ALDH1A3: variants seen among roughly 807,000 people sequenced by gnomAD.
The protein encoded by ALDH1A3 is retinaldehyde dehydrogenase 3.
In ALDH1A3, 28 loss-of-function variants were observed where a neutral mutation model predicts 57.5. The observed-to-expected ratio is 0.49, with a 90% CI of 0.36 to 0.67. ALDH1A3 has a LOEUF of 0.67. Ranked by LOEUF, ALDH1A3 falls within the 30% of genes least tolerant of loss-of-function variation. ALDH1A3 has a pLI of 0.00. For synonymous variants in ALDH1A3, 281 were observed against 264.8 expected, an observed-to-expected ratio of 1.06 and a Z score of -0.59; for missense variants, 507 against 669.4, an observed-to-expected ratio of 0.76 and a Z score of 2.68.
intron 1 of ALDH1A3, among the ~76,000 whole-genome samples, chr15:100,884,203 T>C (rs2041572418): frequency 6.6e-6 from 1 of 152,206 alleles, no homozygotes; most frequent in Non-Finnish European, 1.5e-5. Flanking sequence ...CTCCGTGCTG[T>C]CGGAATGTGT....
chr15:100,908,110 AAGTGCTGG>A (rs1315502100), intron 11 of ALDH1A3, among the ~76,000 whole-genome samples: 3 of 151,840 alleles, frequency 2.0e-5, no homozygotes, highest in African/African-American at 4.8e-5. Flanking sequence ...CAGCCTCCCG[AAGTGCTGG>A]GATTACAGGC....
chr15:100,895,683 G>T, intron 6 of ALDH1A3: 1 of 549,764 alleles, frequency 1.8e-6, no homozygotes, highest in Non-Finnish European at 3.3e-6. Flanking sequence ...TTGGGATGGG[G>T]TCCCCCCCCA....
chr15:100,888,464 A>C lies in ALDH1A3; in HGVS notation c.345+752A>C, dbSNP rs569815596. The C allele has an allele frequency of 7.2e-5, 11 of 152,314 alleles. No homozygotes were observed. The East Asian group carries it at 2.1e-3, about 29-fold the overall frequency. The allele number at this position is 152,314 out of a possible 1,614,324, so 9.4% of individuals were successfully genotyped here. A position where few individuals can be genotyped will look rare whatever the true frequency, so the allele number is the denominator to read the frequency against. ...CATCCTAAGAAACAATATTCATGAA[A>C]TCACAGGTTTGATGTGCTAATTTTA... On this transcript the variant is annotated intron_variant, in intron 3 of 12. Transcript: ENST00000329841.
At chr15:100,883,762 C>G (rs1240190932) in intron 1 of ALDH1A3, among the ~76,000 whole-genome samples, 1 of 152,016 alleles carries the variant, frequency 6.6e-6, no homozygotes, top group African/African-American at 2.4e-5. Flanking sequence ...CATGGATCAA[C>G]CCATCACCCA....
In ALDH1A3 at chr15:100,885,823, G is replaced by A. The variant is rs72763097; in HGVS notation, c.204+452G>A. 4.9e-3 allele frequency among the ~76,000 whole-genome samples: 740 copies of A among 152,210 alleles called. 4 individuals are homozygous for A. The highest frequency in any genetic ancestry group is 0.014 in the South Asian group (67 of 4,820). On this transcript the variant is annotated intron_variant, in intron 2 of 12. Transcript: ENST00000329841. ...AAAATAGTTGCTACCCGGGTGATGC[G>A]GGGATAGTTAACAATGTAACCACCA...
At chr15:100,885,236 C>A (rs1439006256) in intron 1 of ALDH1A3, 31 bp from the exon 2 acceptor site, 2 of 1,473,706 alleles carry the variant, frequency 1.4e-6, no homozygotes, top group East Asian at 4.5e-5. Flanking sequence ...TTGATCTAAA[C>A]CTAATTGGTT....
In ALDH1A3 at chr15:100,894,793, A is replaced by G. The variant is rs924766500; in HGVS notation, c.666+711A>G. 1 of 152,214 alleles carries G rather than the reference A, an allele frequency of 6.6e-6. No individual in the cohort carries two copies. Among genetic ancestry groups the G allele is most frequent in the African/African-American group, 2.4e-5 (1 of 41,438 alleles). 9.4% of individuals were successfully genotyped at this position (152,214 alleles called of 1,614,324 possible). On this transcript the variant is annotated intron_variant, in intron 6 of 12. Coordinates refer to ENST00000329841, the MANE Select transcript of ALDH1A3 (RefSeq NM_000693.4). This position sits in a 1 kb window ranked among gnomAD's most constrained non-coding sequence, Gnocchi z 4.5. ...ACAGCTGGTGATGAGCCAATTTTCC[A>G]CTTTCCTTTGGTGATGTGGGGCATA...
intron 12 of ALDH1A3, among the ~76,000 whole-genome samples, chr15:100,909,017 C>A (rs905654728): frequency 6.6e-6 from 1 of 151,426 alleles, no homozygotes; most frequent in Non-Finnish European, 1.5e-5. Flanking sequence ...CCTCCACATG[C>A]GTGTGCAAAC....
intron 7 of ALDH1A3, among the ~76,000 whole-genome samples, chr15:100,897,862 G>T (rs573213217): frequency 6.6e-6 from 1 of 152,184 alleles, no homozygotes; most frequent in South Asian, 2.1e-4. Flanking sequence ...TAAGTGGAGC[G>T]GCTTAGACCA....
In ALDH1A3 at chr15:100,879,904, A is replaced by T. The variant is rs1168272565; in HGVS notation, c.-4A>T. 1.0e-5 allele frequency: 15 copies of T among 1,429,194 alleles called. No individual in the cohort carries two copies. Among genetic ancestry groups the T allele is most frequent in the Non-Finnish European group, 1.3e-5 (14 of 1,087,418 alleles). The allele number at this position is 1,429,194 out of a possible 1,614,324, so 88.5% of individuals were successfully genotyped here. A position where few individuals can be genotyped will look rare whatever the true frequency, so the allele number is the denominator to read the frequency against. ...CGCCTCGGGCCAGGGAGCGCGGAGG[A>T]GCCATGGCCACCGCTAACGGGGCCG... On this transcript the variant is annotated 5_prime_UTR_variant, in exon 1 of 13. Transcript: ENST00000329841.
chr15:100,882,361 C>A (rs1308532665), intron 1 of ALDH1A3, among the ~76,000 whole-genome samples: 1 of 152,224 alleles, frequency 6.6e-6, no homozygotes, highest in African/African-American at 2.4e-5. Flanking sequence ...ATAGAAGTCC[C>A]TTCTAATTTA....
chr15:100,886,303 G>T, intron 2 of ALDH1A3, among the ~76,000 whole-genome samples: 1 of 152,316 alleles, frequency 6.6e-6, no homozygotes, highest in South Asian at 2.1e-4. Context: ...GAGGGCATTG[G>T]GGGGAAGCCA....
intron 1 of ALDH1A3, among the ~76,000 whole-genome samples, chr15:100,883,214 A>G (rs2041562874): frequency 6.6e-6 from 1 of 152,128 alleles, no homozygotes; most frequent in South Asian, 2.1e-4. Context: ...ATTTTCACTG[A>G]CAGTCTCTAT....
chr15:100,898,129 G>A lies in ALDH1A3; in HGVS notation c.827G>A (p.Arg276Gln), dbSNP rs763546758. The change falls in exon 8 of 13, where the codon CGG (arginine) becomes CAG (glutamine). Residue 276 changes from arginine (R) to glutamine (Q), a missense_variant. By Grantham distance (43) the Arg-to-Gln change is conservative (BLOSUM62 1). Around this residue, in one of 2 missense-constraint regions of ALDH1A3, gnomAD observed 432 missense variants for 608.4 expected, o/e 0.71. Transcript: ENST00000329841. ...KEAASRSNLK[R>Q]VTLELGGKNP... ...GCTGCGTCCCGGAGCAATCTGAAGCGGGTGACGCTGGAGCTGGGGGGGAAG... is the reference window on the plus strand; with the variant it reads ...GCTGCGTCCCGGAGCAATCTGAAGCAGGTGACGCTGGAGCTGGGGGGGAAG... The A allele has an allele frequency of 8.7e-6, 14 of 1,614,144 alleles. No homozygotes were observed. The highest frequency in any genetic ancestry group is 6.7e-5 in the East Asian group (3 of 44,888).
At position 100,894,166 on chromosome 15, in the gene ALDH1A3, AG is replaced by A; in HGVS notation, c.666+85del. 2.0e-6 allele frequency: 3 copies of A among 1,503,790 alleles called. No individual in the cohort carries two copies. Among genetic ancestry groups the A allele is most frequent in the Middle Eastern group, 1.8e-4 (1 of 5,660 alleles). 93.2% of individuals were successfully genotyped at this position (1,503,790 alleles called of 1,614,324 possible). On this transcript the variant is annotated intron_variant, in intron 6 of 12. Transcript: ENST00000329841. This position sits in a 1 kb window ranked among gnomAD's most constrained non-coding sequence, Gnocchi z 4.5. ...CCAGGCCACCGTCACGAGATGGGAC[AG>A]TGGCAGACTGCTGGCAATCGAGTGG...
rs770345049 is a variant in ALDH1A3, at chr15:100,898,174, C to A, written c.872C>A (p.Ala291Glu). ...GGGAAGAACCCCTGCATCGTGTGTG[C>A]GGACGCTGACTGTGAGTCTCTGCCC... ...LGGKNPCIVC[A>E]DADLDLAVEC... Residue 291 changes from alanine (A) to glutamate (E), a missense_variant, in exon 8 of 13, where the codon GCG becomes GAG. By Grantham distance (107) the Ala-to-Glu change is moderately radical. This residue lies in a region of ALDH1A3 where 432 missense variants were observed against 608.4 expected (regional missense o/e 0.71). Transcript: ENST00000329841. The A allele has an allele frequency of 6.2e-7, 1 of 1,613,582 alleles. No homozygotes were observed. The highest frequency in any genetic ancestry group is 1.7e-5 in the Admixed American group (1 of 59,980).
At chr15:100,890,567 A>G (rs1162763678) in intron 3 of ALDH1A3, among the ~76,000 whole-genome samples, 1 of 152,232 alleles carries the variant, frequency 6.6e-6, no homozygotes, top group Non-Finnish European at 1.5e-5. Flanking sequence ...AATGTTCGCC[A>G]TGTACCTGGC....
intron 9 of ALDH1A3, among the ~76,000 whole-genome samples, chr15:100,901,108 G>A (rs894472479): frequency 5.3e-5 from 8 of 152,142 alleles, no homozygotes; most frequent in African/African-American, 1.2e-4. Flanking sequence ...AGTCTCAGTC[G>A]CAGCCCGAGG....
In ALDH1A3 at chr15:100,889,409, C is replaced by T. The variant is rs1320301628; in HGVS notation, c.345+1697C>T. Among the ~76,000 whole-genome samples, 5 of 152,268 alleles carry T rather than the reference C, an allele frequency of 3.3e-5. No homozygotes were observed. The highest frequency in any genetic ancestry group is 3.9e-4 in the East Asian group (2 of 5,180). On this transcript the variant is annotated intron_variant, in intron 3 of 12. Coordinates refer to ENST00000329841, the MANE Select transcript of ALDH1A3 (RefSeq NM_000693.4). The surrounding 1 kb of genome is among the most constrained non-coding windows in gnomAD (Gnocchi z 5.1). ...CCCCTTCCTTCCTTCCCAGTCAGCCCGGCCAGTCCACATGTTCCCCGGGTG... is the reference window on the plus strand; with the variant it reads ...CCCCTTCCTTCCTTCCCAGTCAGCCTGGCCAGTCCACATGTTCCCCGGGTG...
Sources: allele counts gnomAD v4.1 joint callset (sites outside exome capture counted in the v4.1 genomes callset), GRCh38; gene constraint gnomAD v4.1.1; regional missense constraint gnomAD v4.1.1; non-coding constraint Gnocchi (gnomAD v3.1); transcripts MANE v1.5; gene names NCBI Gene and HGNC (gene_info 2026-07-23, HGNC 2026-07-21).